The following NUP62CL variants were observed in gnomAD, a reference collection of about 807,000 sequenced individuals.
NUP62CL encodes nucleoporin 62 C-terminal like.
In NUP62CL, 13 loss-of-function variants were observed where a neutral mutation model predicts 15.3. That is an observed-to-expected ratio of 0.85 (90% CI 0.55 to 1.35). NUP62CL has a LOEUF of 1.35. Among genes scored for constraint, NUP62CL ranks in the 40% most tolerant of loss-of-function variants. The probability of loss-of-function intolerance (pLI) is 0.00; values close to 1 mark genes in which losing one functional copy is unlikely to be tolerated. For synonymous variants in NUP62CL, 54 were observed against 49.2 expected, an observed-to-expected ratio of 1.10 and a Z score of -0.41; for missense variants, 123 against 130.6, an observed-to-expected ratio of 0.94 and a Z score of 0.28.
In NUP62CL at chrX:107,179,552, C is replaced by T. The variant is rs775785064; in HGVS notation, c.-47-4359G>A. Among the ~76,000 whole-genome samples, 657 of 112,047 alleles carry T rather than the reference C, an allele frequency of 5.9e-3. 1 individual carries two copies. The highest frequency in any genetic ancestry group is 9.9e-3 in the Non-Finnish European group (527 of 53,217). On this transcript the variant is annotated intron_variant, in intron 2 of 8. Coordinates refer to ENST00000372466, the MANE Select transcript of NUP62CL (RefSeq NM_017681.3). ...TTTCTGAGTTACTTCACTTAGGCCTCTGGCTCCATCCATGATATCACAAAC... is the reference window on the plus strand; with the variant it reads ...TTTCTGAGTTACTTCACTTAGGCCTTTGGCTCCATCCATGATATCACAAAC...
intron 2 of NUP62CL, among the ~76,000 whole-genome samples, chrX:107,178,072 A>G (rs1017243390): frequency 7.1e-5 from 8 of 111,904 alleles, no homozygotes; most frequent in Non-Finnish European, 1.5e-4. Context: ...ACAGCATGCT[A>G]AGTGAAAGAA....
At chrX:107,170,064 G>A (rs1318911441) in intron 3 of NUP62CL, among the ~76,000 whole-genome samples, 1 of 108,259 alleles carries the variant, frequency 9.2e-6, no homozygotes, top group Non-Finnish European at 1.9e-5. Context: ...ACAAAAATCA[G>A]CCAGATGTGG....
At chrX:107,126,267 C>G (rs1300351183) in intron 8 of NUP62CL, among the ~76,000 whole-genome samples, 2 of 111,944 alleles carry the variant, frequency 1.8e-5, no homozygotes, top group Non-Finnish European at 3.8e-5. Flanking sequence ...ATTCCATGTT[C>G]ATGGATTAAA....
chrX:107,190,651 A>ATACTG (rs1299072448), intron 2 of NUP62CL, among the ~76,000 whole-genome samples: 3 of 111,973 alleles, frequency 2.7e-5, no homozygotes, highest in Non-Finnish European at 3.8e-5. Flanking sequence ...TCAATCTTGA[A>ATACTG]TACTGTGCTT....
At chrX:107,133,706 G>T (rs1279388940) in intron 8 of NUP62CL, among the ~76,000 whole-genome samples, 1 of 112,368 alleles carries the variant, frequency 8.9e-6, no homozygotes, top group Non-Finnish European at 1.9e-5. Context: ...TTTGGGAGGC[G>T]AGGCGGGTGG....
At chrX:107,171,626 G>A (rs144104005) in intron 3 of NUP62CL, among the ~76,000 whole-genome samples, 1,163 of 111,600 alleles carry the variant, frequency 0.01, 7 homozygotes, top group Non-Finnish European at 0.016. Context: ...CTGTCCCCAT[G>A]ATTCAGTTAC....
At chrX:107,205,932 G>A (rs936095785) in intron 1 of NUP62CL, among the ~76,000 whole-genome samples, 2 of 110,477 alleles carry the variant, frequency 1.8e-5, no homozygotes, top group Non-Finnish European at 3.8e-5. Context: ...AGTTGACCAG[G>A]TGCTCCCCCG....
At chrX:107,187,029 A>G (rs1243338690) in intron 2 of NUP62CL, among the ~76,000 whole-genome samples, 2 of 112,500 alleles carry the variant, frequency 1.8e-5, no homozygotes, top group Non-Finnish European at 3.7e-5. Flanking sequence ...TCCAACTACA[A>G]TTGAATCAAA....
At chrX:107,191,577 G>A (rs113837425) in intron 2 of NUP62CL, among the ~76,000 whole-genome samples, 3,247 of 110,099 alleles carry the variant, frequency 0.029, 49 homozygotes, top group Non-Finnish European at 0.047. Context: ...GCACAGTAGC[G>A]CATGCCTGTA....
chrX:107,164,691 T>TA (rs1314470236), intron 4 of NUP62CL, among the ~76,000 whole-genome samples: 1 of 112,366 alleles, frequency 8.9e-6, no homozygotes, highest in African/African-American at 3.2e-5. Flanking sequence ...TTTAACAATA[T>TA]AAAAAATGGG....
chrX:107,170,159 A>G (rs1327292426), intron 3 of NUP62CL, among the ~76,000 whole-genome samples: 2 of 110,860 alleles, frequency 1.8e-5, no homozygotes, highest in Non-Finnish European at 3.8e-5. Flanking sequence ...AGAAAAAGAA[A>G]AAAAAAAAAG....
chrX:107,126,799 C>G (rs968380086), intron 8 of NUP62CL, among the ~76,000 whole-genome samples: 19 of 112,090 alleles, frequency 1.7e-4, no homozygotes, highest in African/African-American at 6.2e-4. Context: ...TTTGGGGGGC[C>G]GAGGCAAGAG....
intron 1 of NUP62CL, among the ~76,000 whole-genome samples, chrX:107,201,519 C>T (rs6616633): frequency 0.24 from 26,196 of 109,187 alleles, 2,579 homozygotes; most frequent in East Asian, 0.47. Flanking sequence ...ACAGCAATAA[C>T]GGAATGGAGA....
intron 7 of NUP62CL, among the ~76,000 whole-genome samples, chrX:107,150,326 G>A (rs1925979562): frequency 8.9e-6 from 1 of 111,808 alleles, no homozygotes; most frequent in Admixed American, 9.5e-5. Context: ...TGACAACTTA[G>A]GGAAGAGTAA....
chrX:107,174,412 C>A, intron 3 of NUP62CL, among the ~76,000 whole-genome samples: 1 of 110,195 alleles, frequency 9.1e-6, no homozygotes, highest in East Asian at 2.8e-4. Flanking sequence ...CATGGCCTCC[C>A]AAAATGCTAG....
chrX:107,128,278 T>G (rs1396840251), intron 8 of NUP62CL, among the ~76,000 whole-genome samples: 1 of 112,262 alleles, frequency 8.9e-6, no homozygotes, highest in Admixed American at 9.4e-5. Context: ...AACTATGGTA[T>G]ATCCATATAA....
At position 107,198,863 on chromosome X, in the gene NUP62CL, G is replaced by A. The variant is rs866535158; in HGVS notation, c.-91-5791C>T. On this transcript the variant is annotated intron_variant, in intron 1 of 8. Coordinates refer to ENST00000372466, the MANE Select transcript of NUP62CL (RefSeq NM_017681.3). ...AGTCAGCGAGACCAAGAACCCACCA[G>A]AAGGAACCAATTCTGGACACACTAT... 8.9e-5 allele frequency among the ~76,000 whole-genome samples: 10 copies of A among 112,547 alleles called. No homozygotes were observed. In the South Asian group the frequency reaches 1.9e-3, roughly 21 times the overall value.
At chrX:107,176,921 G>A (rs934273899) in intron 2 of NUP62CL, among the ~76,000 whole-genome samples, 2 of 111,291 alleles carry the variant, frequency 1.8e-5, no homozygotes, top group Non-Finnish European at 1.9e-5. Context: ...AAACAAGGAT[G>A]TCTGCTCTAG....
intron 3 of NUP62CL, among the ~76,000 whole-genome samples, chrX:107,172,054 T>C (rs1157922756): frequency 1.8e-5 from 2 of 108,953 alleles, no homozygotes; most frequent in Non-Finnish European, 3.8e-5. Flanking sequence ...CCAGGTGTGG[T>C]GCCTCAAGCC....
Sources: gnomAD v4.1 joint callset for allele counts (sites outside exome capture counted in the v4.1 genomes callset) on GRCh38, gnomAD v4.1.1 for gene constraint, MANE v1.5 for transcripts, NCBI Gene and HGNC (gene_info 2026-07-23, HGNC 2026-07-21) for gene names.